The following FBXL17 variants were observed in gnomAD, a reference collection of about 807,000 sequenced individuals.
The protein encoded by FBXL17 is F-box/LRR-repeat protein 17.
FBXL17 carries 22 observed loss-of-function variants against 66.2 expected under a neutral mutation model. That is an observed-to-expected ratio of 0.33 (90% CI 0.24 to 0.47). The LOEUF is 0.47. Among genes scored for constraint, FBXL17 ranks in the 20% least tolerant of loss-of-function variants. The probability of loss-of-function intolerance (pLI) is 1.00; values close to 1 mark genes in which losing one functional copy is unlikely to be tolerated. For missense variants in FBXL17, 878 were observed against 948.2 expected, an observed-to-expected ratio of 0.93 and a Z score of 0.97; for synonymous variants, 474 against 400.5, an observed-to-expected ratio of 1.18 and a Z score of -2.19.
intron 6 of FBXL17, among the ~76,000 whole-genome samples, chr5:108,177,008 T>G (rs1319500245): frequency 6.6e-6 from 1 of 152,178 alleles, no homozygotes; most frequent in Non-Finnish European, 1.5e-5. Flanking sequence ...TGAAGATAAC[T>G]TTCTTCTTTT....
intron 6 of FBXL17, among the ~76,000 whole-genome samples, chr5:108,083,242 CACACACACAGAGAG>C (rs1010019524): frequency 2.2e-4 from 30 of 138,768 alleles, no homozygotes; most frequent in Non-Finnish European, 3.4e-4. Context: ...CACACACACA[CACACACACAGAGAG>C]AGAGATAGAC....
At chr5:108,229,946 G>C (rs1755254551) in intron 4 of FBXL17, among the ~76,000 whole-genome samples, 1 of 151,992 alleles carries the variant, frequency 6.6e-6, no homozygotes. Context: ...ATATTCAAAT[G>C]GCCAACGAAT....
intron 4 of FBXL17, among the ~76,000 whole-genome samples, chr5:108,310,896 A>C (rs1759084609): frequency 6.6e-6 from 1 of 152,178 alleles, no homozygotes; most frequent in Non-Finnish European, 1.5e-5. Context: ...ATTTTACTTC[A>C]CTACCTGCTG....
chr5:108,204,554 A>G (rs1243744104), intron 5 of FBXL17, among the ~76,000 whole-genome samples: 1 of 152,172 alleles, frequency 6.6e-6, no homozygotes, highest in Non-Finnish European at 1.5e-5. Flanking sequence ...AACACACAAG[A>G]GATTTGTGAC....
chr5:108,191,389 C>A (rs1207224389), intron 5 of FBXL17, among the ~76,000 whole-genome samples: 1 of 152,178 alleles, frequency 6.6e-6, no homozygotes, highest in African/African-American at 2.4e-5. Flanking sequence ...GTACATTTTA[C>A]ATGGTTAAAA....
chr5:108,000,727 G>GC (rs1344882635), intron 7 of FBXL17, among the ~76,000 whole-genome samples: 1 of 152,130 alleles, frequency 6.6e-6, no homozygotes, highest in Non-Finnish European at 1.5e-5. Flanking sequence ...ACTGCTTTCA[G>GC]CATCTCCACA....
At chr5:107,924,375 C>T (rs1414447976) in intron 7 of FBXL17, among the ~76,000 whole-genome samples, 2 of 151,996 alleles carry the variant, frequency 1.3e-5, no homozygotes, top group Non-Finnish European at 2.9e-5. Flanking sequence ...TACAAGGAGT[C>T]TTATTAGAAA....
At chr5:108,287,052 T>C (rs1008717178) in intron 4 of FBXL17, among the ~76,000 whole-genome samples, 2 of 151,808 alleles carry the variant, frequency 1.3e-5, no homozygotes, top group African/African-American at 2.4e-5. Context: ...ATTCAATAAA[T>C]GGTGCTGGTT....
intron 7 of FBXL17, among the ~76,000 whole-genome samples, chr5:108,002,272 C>T (rs1753761926): frequency 6.7e-6 from 1 of 150,254 alleles, no homozygotes; most frequent in Admixed American, 6.6e-5. Flanking sequence ...GTTCCACCCA[C>T]CTCGGCCTCC....
At chr5:108,009,339 CAT>C (rs139460194) in intron 7 of FBXL17, among the ~76,000 whole-genome samples, 3 of 103,736 alleles carry the variant, frequency 2.9e-5, no homozygotes, top group Non-Finnish European at 3.8e-5. Context: ...TTTTGTTTTT[CAT>C]ATATATATAT....
chr5:107,878,514 C>T (rs530704351), intron 8 of FBXL17: 7 of 808,268 alleles, frequency 8.7e-6, no homozygotes, highest in African/African-American at 7.5e-5. Context: ...TAACTGCCCG[C>T]GGTGACACAA....
At chr5:107,902,487 G>A (rs1749601653) in intron 7 of FBXL17, among the ~76,000 whole-genome samples, 1 of 152,180 alleles carries the variant, frequency 6.6e-6, no homozygotes, top group South Asian at 2.1e-4. Context: ...GTTGCCATGT[G>A]TTATTATCCT....
intron 6 of FBXL17, among the ~76,000 whole-genome samples, chr5:108,182,129 C>T (rs1220805399): frequency 6.6e-6 from 1 of 152,122 alleles, no homozygotes; most frequent in Non-Finnish European, 1.5e-5. Context: ...AGAGAGTGAC[C>T]TTTGAGAACA....
At chr5:108,009,261 TTATATATATATATATA>T (rs375853217) in intron 7 of FBXL17, among the ~76,000 whole-genome samples, 4 of 20,852 alleles carry the variant, frequency 1.9e-4, no homozygotes, top group African/African-American at 4.9e-4. Context: ...GTTCCCTGTT[TTATATATATATATATA>T]TATATATATA....
intron 7 of FBXL17, 28 bp from the exon 8 acceptor site, chr5:107,881,207 T>C (rs1291908155): frequency 1.4e-6 from 2 of 1,431,634 alleles, no homozygotes; most frequent in Non-Finnish European, 1.9e-6. Flanking sequence ...GAGAAAGCAT[T>C]AATGTTAGCA....
intron 4 of FBXL17, among the ~76,000 whole-genome samples, chr5:108,273,196 A>G (rs531670152): frequency 4.2e-4 from 64 of 152,172 alleles, no homozygotes; most frequent in Non-Finnish European, 8.1e-4. Flanking sequence ...TCACAGGACC[A>G]TAGGACCGAG....
intron 4 of FBXL17, among the ~76,000 whole-genome samples, chr5:108,293,087 C>CAAAAAAAAACAAAAAAAAAAA (rs1561511075): frequency 8.6e-6 from 1 of 116,480 alleles, no homozygotes. Context: ...GACTCTGTCT[C>CAAAAAAAAACAAAAAAAAAAA]AAAAAAAAAA....
intron 6 of FBXL17, among the ~76,000 whole-genome samples, chr5:108,089,790 CA>C (rs1749120599): frequency 6.6e-6 from 1 of 152,020 alleles, no homozygotes; most frequent in African/African-American, 2.4e-5. Context: ...AAAGAATGAC[CA>C]AAGAGTTAAA....
At chr5:108,312,137 C>T (rs1759149601) in intron 4 of FBXL17, among the ~76,000 whole-genome samples, 1 of 152,014 alleles carries the variant, frequency 6.6e-6, no homozygotes, top group Non-Finnish European at 1.5e-5. Context: ...ATAATACATA[C>T]CACCAGCATC....
Sources: gnomAD v4.1 joint callset for allele counts (sites outside exome capture counted in the v4.1 genomes callset) on GRCh38, gnomAD v4.1.1 for gene constraint, MANE v1.5 for transcripts, NCBI Gene and HGNC (gene_info 2026-07-23, HGNC 2026-07-21) for gene names.